WDR7: variants seen among roughly 807,000 people sequenced by gnomAD.
WDR7 encodes WD repeat-containing protein 7.
A neutral mutation model predicts 169.4 loss-of-function variants in WDR7; 46 were observed. The observed-to-expected ratio is 0.27, with a 90% CI of 0.21 to 0.35. WDR7 has a LOEUF of 0.35. WDR7 is among the 10% of genes least tolerant of loss of function. The pLI is 1.00. For missense variants in WDR7, 1,534 were observed against 1,859.3 expected, an observed-to-expected ratio of 0.83 and a Z score of 3.22; for synonymous variants, 612 against 666.8, an observed-to-expected ratio of 0.92 and a Z score of 1.27.
intron 20 of WDR7, among the ~76,000 whole-genome samples, chr18:56,847,418 A>G (rs1395923447): frequency 4.6e-5 from 7 of 152,232 alleles, no homozygotes; most frequent in Non-Finnish European, 8.8e-5. Context: ...ATCAGAGTAT[A>G]AAAGTTTGGA....
At chr18:56,889,236 G>T (rs762148725) in intron 21 of WDR7, among the ~76,000 whole-genome samples, 3 of 152,156 alleles carry the variant, frequency 2.0e-5, no homozygotes, top group Middle Eastern at 3.2e-3. Flanking sequence ...ACTAAATTAC[G>T]TGTGTCCCAG....
intron 14 of WDR7, among the ~76,000 whole-genome samples, chr18:56,750,360 G>A (rs2430894): frequency 0.69 from 103,996 of 151,780 alleles, 36,118 homozygotes; most frequent in African/African-American, 0.76. Context: ...GTGTAGATGT[G>A]TGTATTTTGC....
chr18:56,876,855 A>G (rs1176217478), intron 20 of WDR7, among the ~76,000 whole-genome samples: 2 of 152,112 alleles, frequency 1.3e-5, no homozygotes, highest in Non-Finnish European at 2.9e-5. Context: ...ATAGAAAACA[A>G]TGATACAAAA....
intron 26 of WDR7, among the ~76,000 whole-genome samples, chr18:56,980,749 A>G (rs536240635): frequency 7.6e-4 from 115 of 152,226 alleles, no homozygotes; most frequent in Middle Eastern, 3.4e-3. Context: ...TGGATGGGAG[A>G]GAAGAGCATG....
chr18:56,772,985 C>T (rs545974614), intron 16 of WDR7, among the ~76,000 whole-genome samples: 2 of 152,242 alleles, frequency 1.3e-5, no homozygotes, highest in Non-Finnish European at 2.9e-5. Flanking sequence ...CAGGGGAATC[C>T]TGTATTCAAA....
intron 16 of WDR7, among the ~76,000 whole-genome samples, chr18:56,774,587 C>A (rs2044213130): frequency 6.6e-6 from 1 of 151,964 alleles, no homozygotes; most frequent in Non-Finnish European, 1.5e-5. Context: ...ATTCAGTGCC[C>A]CATGCAACTT....
In WDR7 at chr18:56,905,562, G is replaced by A. The variant is rs571010885; in HGVS notation, c.3527-18360G>A. Reference sequence around the variant, plus strand: ...GTACCCTGAGAACTTACAATTCAAGGAAAATCTTTTATATTTAGTAGCAGT... The same window carrying A: ...GTACCCTGAGAACTTACAATTCAAGAAAAATCTTTTATATTTAGTAGCAGT... On this transcript the variant is annotated intron_variant, in intron 21 of 27. Coordinates refer to ENST00000254442, the MANE Select transcript of WDR7 (RefSeq NM_015285.3). Among the ~76,000 whole-genome samples the A allele has an allele frequency of 7.9e-5, 12 of 151,788 alleles. No individual in the cohort carries two copies. The East Asian group carries it at 2.3e-3, about 29-fold the overall frequency.
chr18:56,938,103 G>A (rs1454405637), intron 23 of WDR7, among the ~76,000 whole-genome samples: 1 of 152,144 alleles, frequency 6.6e-6, no homozygotes, highest in Non-Finnish European at 1.5e-5. Flanking sequence ...GAGGCTCAGA[G>A]GCAGAAGAAA....
chr18:56,905,126 T>C (rs2046458478), intron 21 of WDR7, among the ~76,000 whole-genome samples: 2 of 152,142 alleles, frequency 1.3e-5, no homozygotes, highest in Non-Finnish European at 2.9e-5. Context: ...CCCTTTATGA[T>C]TATAGACAAT....
intron 14 of WDR7, among the ~76,000 whole-genome samples, chr18:56,738,798 CTTTTTTTTTTTT>C (rs10547813): frequency 2.6e-3 from 152 of 58,820 alleles, no homozygotes; most frequent in Middle Eastern, 0.016. Flanking sequence ...GCATAAAATC[CTTTTTTTTTTTT>C]TTTTTTTTTT....
At chr18:57,011,439 T>C (rs1202619163) in intron 26 of WDR7, among the ~76,000 whole-genome samples, 1 of 150,068 alleles carries the variant, frequency 6.7e-6, no homozygotes, top group Non-Finnish European at 1.5e-5. Context: ...CACTTTATTA[T>C]ATTTATCCTT....
chr18:56,666,043 G>A (rs1188124518), intron 1 of WDR7, among the ~76,000 whole-genome samples: 1 of 152,000 alleles, frequency 6.6e-6, no homozygotes, highest in East Asian at 1.9e-4. Context: ...GCTTGGACAA[G>A]CCATCTCTCT....
intron 21 of WDR7, among the ~76,000 whole-genome samples, chr18:56,905,434 C>T (rs1211670624): frequency 6.6e-6 from 1 of 152,152 alleles, no homozygotes; most frequent in Non-Finnish European, 1.5e-5. Context: ...CAGGCATGAG[C>T]CACTGTGCCT....
intron 19 of WDR7, among the ~76,000 whole-genome samples, chr18:56,782,472 A>T (rs1002453721): frequency 2.6e-5 from 4 of 152,106 alleles, no homozygotes; most frequent in Non-Finnish European, 4.4e-5. Context: ...TGATTAAAAA[A>T]TTTTACCCTA....
At chr18:56,809,436 A>T (rs2044831660) in intron 19 of WDR7, among the ~76,000 whole-genome samples, 1 of 152,184 alleles carries the variant, frequency 6.6e-6, no homozygotes. Flanking sequence ...GAAAGTAAGT[A>T]AACCGTAGCT....
At chr18:56,730,489 G>T (rs1419132956) in intron 13 of WDR7, among the ~76,000 whole-genome samples, 2 of 152,158 alleles carry the variant, frequency 1.3e-5, no homozygotes, top group African/African-American at 4.8e-5. Flanking sequence ...GTTGTAGGCC[G>T]GGCGTGGTGG....
rs1599058086 is a variant in WDR7, at chr18:56,804,487, A to G, written c.3191-11544A>G. Among the ~76,000 whole-genome samples the G allele has an allele frequency of 1.3e-5, 2 of 152,230 alleles. 1 individual carries two copies. On this transcript the variant is annotated intron_variant, in intron 19 of 27. Coordinates refer to ENST00000254442, the MANE Select transcript of WDR7 (RefSeq NM_015285.3). Reference sequence around the variant, plus strand: ...AACACTTCATAGTCCACTTCACACAATAAAATAAGCAACAATAACATCTGT... The same window carrying G: ...AACACTTCATAGTCCACTTCACACAGTAAAATAAGCAACAATAACATCTGT...
chr18:56,726,696 C>T (rs2026464575), intron 13 of WDR7, among the ~76,000 whole-genome samples: 1 of 152,000 alleles, frequency 6.6e-6, no homozygotes, highest in Non-Finnish European at 1.5e-5. Flanking sequence ...ACAGTTTGAT[C>T]CTTTTGGGTC....
intron 1 of WDR7, among the ~76,000 whole-genome samples, chr18:56,670,486 A>C (rs1038974823): frequency 1.3e-5 from 2 of 152,038 alleles, no homozygotes; most frequent in African/African-American, 4.8e-5. Context: ...ACTTGAGAGA[A>C]ATCTTTGGTG....
Sources: gnomAD v4.1 joint callset for allele counts (sites outside exome capture counted in the v4.1 genomes callset) on GRCh38, gnomAD v4.1.1 for gene constraint, MANE v1.5 for transcripts, NCBI Gene and HGNC (gene_info 2026-07-23, HGNC 2026-07-21) for gene names.